Variants in RBFOX1 observed in about 807,000 individuals in gnomAD.
The protein encoded by RBFOX1 is RNA binding protein fox-1 homolog 1.
Under a neutral mutation model 57.7 loss-of-function variants are expected in RBFOX1, and 8 were observed. That is an observed-to-expected ratio of 0.14 (90% CI 0.08 to 0.25). The LOEUF is 0.25. RBFOX1 is among the 10% of genes least tolerant of loss of function. The probability of loss-of-function intolerance (pLI) is 1.00; values close to 1 mark genes in which losing one functional copy is unlikely to be tolerated. For missense variants in RBFOX1, 611 were observed against 548.5 expected (o/e 1.11, Z -1.14); for synonymous variants, 326 against 222.4 (o/e 1.47, Z -4.15).
chr16:7,300,177 C>A (rs148898147), intron 4 of RBFOX1, among the ~76,000 whole-genome samples: 1 of 152,158 alleles, frequency 6.6e-6, no homozygotes, highest in Admixed American at 6.5e-5. Context: ...ATCTATTGTA[C>A]TGTACTTATT....
rs11865595 is a variant in RBFOX1, at chr16:5,700,445, G to A, written c.318+101484G>A. On this transcript the variant is annotated intron_variant, in intron 3 of 19. Transcript: ENST00000641259. The stretch of plus-strand genomic sequence containing the variant: ...TTCTCCTGTTATTCTATTGGCTCAC[G>A]TTCCTCATGAAAGCGTTTCATGAAG... Among the ~76,000 whole-genome samples the A allele has an allele frequency of 8.8e-3, 1,333 of 152,180 alleles. 26 individuals carry two copies. Among genetic ancestry groups the A allele is most frequent in the African/African-American group, 0.031 (1,268 of 41,516 alleles).
intron 3 of RBFOX1, among the ~76,000 whole-genome samples, chr16:6,960,802 C>G (rs375706979): frequency 6.6e-6 from 1 of 151,822 alleles, no homozygotes; most frequent in Admixed American, 6.6e-5. Context: ...GGGATTGGCC[C>G]AGGGTTGGGT....
intron 5 of RBFOX1, among the ~76,000 whole-genome samples, chr16:7,570,776 C>G (rs191164624): frequency 3.6e-4 from 55 of 152,268 alleles, no homozygotes; most frequent in Admixed American, 3.1e-3. Context: ...GTTACAGACA[C>G]ACATACACAT....
chr16:7,283,317 T>C (rs7196383), intron 4 of RBFOX1, among the ~76,000 whole-genome samples: 19,495 of 151,702 alleles, frequency 0.13, 1,734 homozygotes, highest in South Asian at 0.24. Flanking sequence ...AATCTGCCTC[T>C]GCAGTCTCTA....
chr16:7,504,626 C>T (rs1403520127), intron 4 of RBFOX1, among the ~76,000 whole-genome samples: 1 of 145,232 alleles, frequency 6.9e-6, no homozygotes, highest in African/African-American at 2.7e-5. Context: ...TTATTCACTT[C>T]AAGACTTTAT....
At chr16:5,476,990 A>G (rs766089369) in intron 2 of RBFOX1, among the ~76,000 whole-genome samples, 1 of 152,150 alleles carries the variant, frequency 6.6e-6, no homozygotes, top group Non-Finnish European at 1.5e-5. Flanking sequence ...GAAAACACAC[A>G]TTGGTAAACT....
intron 4 of RBFOX1, among the ~76,000 whole-genome samples, chr16:7,484,191 G>A (rs144452830): frequency 2.0e-5 from 3 of 152,254 alleles, no homozygotes; most frequent in African/African-American, 7.2e-5. Context: ...ATTGCTGAGT[G>A]GTACGTCACG....
chr16:5,890,646 G>C (rs527902004), intron 4 of RBFOX1, among the ~76,000 whole-genome samples: 1 of 144,338 alleles, frequency 6.9e-6, no homozygotes, highest in Non-Finnish European at 1.5e-5. Context: ...GCAGTGAGCC[G>C]AGATCATACC....
chr16:6,843,156 T>A (rs2093579454), intron 3 of RBFOX1, among the ~76,000 whole-genome samples: 1 of 152,212 alleles, frequency 6.6e-6, no homozygotes, highest in South Asian at 2.1e-4. Flanking sequence ...TTTAAGCATA[T>A]GATTCTCTGA....
intron 13 of RBFOX1, among the ~76,000 whole-genome samples, chr16:7,669,687 T>C (rs1386528535): frequency 6.6e-6 from 1 of 152,308 alleles, no homozygotes; most frequent in Non-Finnish European, 1.5e-5. Context: ...CACCCATATG[T>C]TTTAAAACAA....
At chr16:7,330,114 A>T (rs1047752872) in intron 4 of RBFOX1, among the ~76,000 whole-genome samples, 1 of 152,172 alleles carries the variant, frequency 6.6e-6, no homozygotes, top group Non-Finnish European at 1.5e-5. Context: ...CTGAAATGCC[A>T]TTATATATAC....
At chr16:7,486,301 T>C (rs1192792361) in intron 4 of RBFOX1, among the ~76,000 whole-genome samples, 1 of 148,680 alleles carries the variant, frequency 6.7e-6, no homozygotes, top group Non-Finnish European at 1.5e-5. Context: ...CTGGTTCATT[T>C]TTGTTTTTTT....
rs1005173036 is a variant in RBFOX1 at position 7,046,555 on chromosome 16, G to C, written c.-15-5502G>C. Among the ~76,000 whole-genome samples, 17 of 145,874 alleles carry C rather than the reference G, an allele frequency of 1.2e-4. No homozygotes were observed. In the East Asian group the frequency reaches 2.7e-3, roughly 23 times the overall value. Reference sequence around the variant, plus strand: ...CTCAATAAAGATGGGAGATAATAAAGTTTATCACCACGTATGCCTCTTTGT... The same window carrying C: ...CTCAATAAAGATGGGAGATAATAAACTTTATCACCACGTATGCCTCTTTGT... On this transcript the variant is annotated intron_variant, in intron 3 of 15. Transcript: ENST00000550418.
chr16:5,301,631 A>AAAC (rs1353908591), intron 1 of RBFOX1, among the ~76,000 whole-genome samples: 4 of 150,654 alleles, frequency 2.7e-5, no homozygotes, highest in Admixed American at 2.0e-4. Flanking sequence ...AAAAAAAAAA[A>AAAC]AAAAAAACAC....
At chr16:6,644,206 T>G (rs75756782) in intron 2 of RBFOX1, among the ~76,000 whole-genome samples, 6,989 of 152,284 alleles carry the variant, frequency 0.046, 182 homozygotes, top group Non-Finnish European at 0.049. Flanking sequence ...TGACTTGTCT[T>G]AAATTAGAAG....
chr16:6,169,398 A>G (rs2096941653), intron 1 of RBFOX1, among the ~76,000 whole-genome samples: 1 of 152,224 alleles, frequency 6.6e-6, no homozygotes, highest in East Asian at 1.9e-4. Context: ...GAGTTCAGAG[A>G]GGTTATGTCC....
intron 2 of RBFOX1, among the ~76,000 whole-genome samples, chr16:6,548,255 C>A (rs973050251): frequency 6.6e-6 from 1 of 152,090 alleles, no homozygotes; most frequent in Non-Finnish European, 1.5e-5. Context: ...TAGATGTCAG[C>A]AACTGTCAAA....
intron 7 of RBFOX1, among the ~76,000 whole-genome samples, chr16:7,591,358 A>T (rs1323728755): frequency 6.6e-6 from 1 of 152,140 alleles, no homozygotes; most frequent in Non-Finnish European, 1.5e-5. Context: ...AGGATGAAAA[A>T]TCAGTACCTT....
In RBFOX1 at chr16:7,024,032, A is replaced by C. The variant is rs1439472277; in HGVS notation, c.-15-28025A>C. Among the ~76,000 whole-genome samples the C allele has an allele frequency of 6.0e-3, 916 of 152,282 alleles. 10 individuals carry two copies. Among genetic ancestry groups the C allele is most frequent in the African/African-American group, 0.021 (878 of 41,550 alleles). On this transcript the variant is annotated intron_variant, in intron 3 of 15. Coordinates refer to ENST00000550418, the MANE Select transcript of RBFOX1 (RefSeq NM_018723.4). ...CCTCCTGATAACCGTATGTTGAAAA[A>C]GGATTTAAGAGGAAGGTCATAAAAC...
Sources: gnomAD v4.1 joint callset for allele counts (sites outside exome capture counted in the v4.1 genomes callset) on GRCh38, gnomAD v4.1.1 for gene constraint, MANE v1.5 for transcripts, NCBI Gene and HGNC (gene_info 2026-07-23, HGNC 2026-07-21) for gene names.